Variants in H4C5 observed in about 807,000 individuals in gnomAD.
H4C5 encodes H4 clustered histone 5, also known as histone H4.
In H4C5, 15 loss-of-function variants were observed where a neutral mutation model predicts 5.3. That is an observed-to-expected ratio of 2.84 (90% CI 1.90 to 4.37). The LOEUF (loss-of-function observed/expected upper bound fraction) is 4.37, where lower values mean the gene tolerates loss of function less well. Ranked by LOEUF, H4C5 falls within the 30% of genes most tolerant of loss-of-function variation. H4C5 has a pLI of 0.00. For missense variants in H4C5, 153 were observed against 145.7 expected (o/e 1.05, Z -0.26); for synonymous variants, 154 against 56.9 (o/e 2.71, Z -7.68).
In H4C5 at chr6:26,204,842, G is replaced by A; in HGVS notation, c.198G>A (p.Val66=). Reference sequence around the variant, plus strand: ...TTCTGAAGGTGTTTCTGGAAAACGTGATTCGTGATGCTGTGACTTACACGG... The same window carrying A: ...TTCTGAAGGTGTTTCTGGAAAACGTAATTCGTGATGCTGTGACTTACACGG... ...RGVLKVFLEN[V]IRDAVTYTEH... is the part of the protein sequence containing the mutation. Residue 66 remains valine (V), a synonymous_variant, in exon 1 of 1, where the codon GTG becomes GTA. Transcript: ENST00000615164. 1.2e-6 allele frequency: 2 copies of A among 1,614,202 alleles called. No homozygotes were observed. Among genetic ancestry groups the A allele is most frequent in the South Asian group, 2.2e-5 (2 of 91,084 alleles).
Position 26,204,653 on chromosome 6 carries a change from T to C in H4C5, c.9T>C (p.Gly3=), listed in dbSNP as rs1581455336. Residue 3 remains glycine (G), a synonymous_variant, in exon 1 of 1, where the codon GGT becomes GGC. Transcript: ENST00000615164. MS[G]RGKGGKGLGK... is the part of the protein sequence containing the mutation. ...TCGTTGGTGTGTTGGTCATGTCTGGTCGCGGCAAAGGCGGAAAGGGACTGG... is the reference window on the plus strand; with the variant it reads ...TCGTTGGTGTGTTGGTCATGTCTGGCCGCGGCAAAGGCGGAAAGGGACTGG... 2 of 1,597,588 alleles carry C rather than the reference T, an allele frequency of 1.3e-6. No individual in the cohort carries two copies. The highest frequency in any genetic ancestry group is 1.3e-5 in the African/African-American group (1 of 74,530).
chr6:26,204,821 G>A lies in H4C5; in HGVS notation c.177G>A (p.Leu59=), dbSNP rs1426161938. The change falls in exon 1 of 1, where the codon CTG becomes CTA. Residue 59 remains leucine (L), a synonymous_variant. Coordinates refer to ENST00000615164, the MANE Select transcript of H4C5 (RefSeq NM_003545.4). ...GLIYEETRGV[L]KVFLENVIRD... ...TCTACGAGGAGACTCGCGGGGTTCTGAAGGTGTTTCTGGAAAACGTGATTC... is the reference window on the plus strand; with the variant it reads ...TCTACGAGGAGACTCGCGGGGTTCTAAAGGTGTTTCTGGAAAACGTGATTC... 6.2e-7 allele frequency: 1 copy of A among 1,614,182 alleles called. No homozygotes were observed.
rs752798544 is a variant in H4C5, at chr6:26,204,843, A to AT, written c.201dup (p.Arg68SerfsTer2). On this transcript the variant is annotated frameshift_variant, in exon 1 of 1. Transcript: ENST00000615164. LOFTEE classifies it high-confidence loss of function. ...TCTGAAGGTGTTTCTGGAAAACGTGATTCGTGATGCTGTGACTTACACGGA... is the reference window on the plus strand; with the variant it reads ...TCTGAAGGTGTTTCTGGAAAACGTGATTTCGTGATGCTGTGACTTACACGGA... 9 of 1,614,186 alleles carry AT rather than the reference A, an allele frequency of 5.6e-6. No individual in the cohort carries two copies. The Admixed American group carries it at 1.0e-4, about 18-fold the overall frequency.
rs41266809 is a variant in H4C5, at chr6:26,204,981, T to A, written c.*25T>A. 22,313 of 1,581,858 alleles carry A rather than the reference T, an allele frequency of 0.014. 227 individuals are homozygous for A. The highest frequency in any genetic ancestry group is 0.017 in the Non-Finnish European group (19,252 of 1,157,922). On this transcript the variant is annotated 3_prime_UTR_variant, in exon 1 of 1. Coordinates refer to ENST00000615164, the MANE Select transcript of H4C5 (RefSeq NM_003545.4). ...ATGCTACCGCTTAAACGACTCAGCA[T>A]CTCGACTTCCCAAATCAAAGGCCCT... is the stretch of plus-strand genomic sequence containing the variant.
At position 26,204,767 on chromosome 6, in the gene H4C5, C is replaced by T. The variant is rs777420822; in HGVS notation, c.123C>T (p.Arg41=). ...TKPAIRRLAR[R]GGVKRISGLI... ...CTGCCATCCGGCGCCTTGCTCGTCG[C>T]GGGGGTGTCAAGCGCATTTCTGGTC... is the stretch of plus-strand genomic sequence containing the variant. Residue 41 remains arginine (R), a synonymous_variant, in exon 1 of 1, where the codon CGC becomes CGT. Transcript: ENST00000615164. 17 of 1,614,122 alleles carry T rather than the reference C, an allele frequency of 1.1e-5. No individual in the cohort carries two copies. Among genetic ancestry groups the T allele is most frequent in the East Asian group, 2.2e-5 (1 of 44,882 alleles).
At position 26,204,928 on chromosome 6, in the gene H4C5, G is replaced by A; in HGVS notation, c.284G>A (p.Gly95Glu). 6.2e-7 allele frequency: 1 copy of A among 1,609,348 alleles called. No homozygotes were observed. The highest frequency in any genetic ancestry group is 8.5e-7 in the Non-Finnish European group (1 of 1,175,850). ...MDVVYALKRQ[G>E]RTLYGFGG The stretch of plus-strand genomic sequence containing the variant: ...GTGGTCTACGCGCTGAAGAGACAGG[G>A]ACGCACTCTTTACGGCTTCGGCGGC... The change falls in exon 1 of 1, where the codon GGA (glycine) becomes GAA (glutamate). Residue 95 changes from glycine to glutamate, a missense_variant. Gly to Glu is a moderately conservative substitution (Grantham distance 98). Transcript: ENST00000615164.
Position 26,205,013 on chromosome 6 carries a change from G to T in H4C5, c.*57G>T. The T allele has an allele frequency of 1.3e-6, 2 of 1,529,822 alleles. No individual in the cohort carries two copies. The highest frequency in any genetic ancestry group is 1.2e-5 in the South Asian group (1 of 80,740). 94.8% of individuals were successfully genotyped at this position (1,529,822 alleles called of 1,614,324 possible). ...TTCCCAAATCAAAGGCCCTTTTCAG[G>T]GCCGCCCACAGTTTTCCGCAAAAGA... On this transcript the variant is annotated 3_prime_UTR_variant, in exon 1 of 1. Coordinates refer to ENST00000615164, the MANE Select transcript of H4C5 (RefSeq NM_003545.4).
Position 26,204,672 on chromosome 6 carries a change from G to T in H4C5, c.28G>T (p.Gly10Ter). The T allele has an allele frequency of 6.2e-7, 1 of 1,608,250 alleles. No homozygotes were observed. The highest frequency in any genetic ancestry group is 8.5e-7 in the Non-Finnish European group (1 of 1,175,162). Residue 10 changes from glycine (G) to a stop codon, truncating the protein, a stop_gained, in exon 1 of 1, where the codon GGA becomes TGA. Coordinates refer to ENST00000615164, the MANE Select transcript of H4C5 (RefSeq NM_003545.4). LOFTEE classifies it high-confidence loss of function. ...GTCTGGTCGCGGCAAAGGCGGAAAGGGACTGGGTAAAGGAGGCGCTAAGCG... is the reference window on the plus strand; with the variant it reads ...GTCTGGTCGCGGCAAAGGCGGAAAGTGACTGGGTAAAGGAGGCGCTAAGCG... MSGRGKGGK[G>*]LGKGGAKRHR...
In H4C5 at chr6:26,204,901, A is replaced by G. The variant is rs1765198791; in HGVS notation, c.257A>G (p.Asp86Gly). ...AAACGCAAGACAGTGACAGCGATGGATGTGGTCTACGCGCTGAAGAGACAG... is the reference window on the plus strand; with the variant it reads ...AAACGCAAGACAGTGACAGCGATGGGTGTGGTCTACGCGCTGAAGAGACAG... Reference protein sequence around the residue: ...HAKRKTVTAMDVVYALKRQGR... With the variant: ...HAKRKTVTAMGVVYALKRQGR... Residue 86 changes from aspartate to glycine, a missense_variant, in exon 1 of 1, where the codon GAT becomes GGT. Asp to Gly is a moderately conservative substitution (Grantham distance 94). Transcript: ENST00000615164. 1.2e-6 allele frequency: 2 copies of G among 1,613,704 alleles called. No individual in the cohort carries two copies. Among genetic ancestry groups the G allele is most frequent in the Non-Finnish European group, 1.7e-6 (2 of 1,179,818 alleles).
At position 26,204,677 on chromosome 6, in the gene H4C5, G is replaced by A. The variant is rs778674883; in HGVS notation, c.33G>A (p.Leu11=). 3.7e-6 allele frequency: 6 copies of A among 1,612,390 alleles called. No individual in the cohort carries two copies. The highest frequency in any genetic ancestry group is 1.3e-5 in the African/African-American group (1 of 74,876). MSGRGKGGKG[L]GKGGAKRHRK... ...GTCGCGGCAAAGGCGGAAAGGGACTGGGTAAAGGAGGCGCTAAGCGTCACC... is the reference window on the plus strand; with the variant it reads ...GTCGCGGCAAAGGCGGAAAGGGACTAGGTAAAGGAGGCGCTAAGCGTCACC... Residue 11 remains leucine (L), a synonymous_variant, in exon 1 of 1, where the codon CTG becomes CTA. Coordinates refer to ENST00000615164, the MANE Select transcript of H4C5 (RefSeq NM_003545.4).
rs758513964 is a variant in H4C5 at position 26,204,965 on chromosome 6, C to A, written c.*9C>A. 2.5e-6 allele frequency: 4 copies of A among 1,592,712 alleles called. No individual in the cohort carries two copies. In the East Asian group the frequency reaches 6.8e-5, roughly 27 times the overall value. On this transcript the variant is annotated 3_prime_UTR_variant, in exon 1 of 1. Coordinates refer to ENST00000615164, the MANE Select transcript of H4C5 (RefSeq NM_003545.4). ...ACGGCTTCGGCGGCTAATGCTACCG[C>A]TTAAACGACTCAGCATCTCGACTTC...
In H4C5 at chr6:26,204,986, A is replaced by G. The variant is rs181186674; in HGVS notation, c.*30A>G. The G allele has an allele frequency of 1.8e-5, 29 of 1,577,436 alleles. No homozygotes were observed. Among genetic ancestry groups the G allele is most frequent in the Non-Finnish European group, 2.4e-5 (28 of 1,155,708 alleles). On this transcript the variant is annotated 3_prime_UTR_variant, in exon 1 of 1. Transcript: ENST00000615164. ...ACCGCTTAAACGACTCAGCATCTCGACTTCCCAAATCAAAGGCCCTTTTCA... is the reference window on the plus strand; with the variant it reads ...ACCGCTTAAACGACTCAGCATCTCGGCTTCCCAAATCAAAGGCCCTTTTCA...
Position 26,204,893 on chromosome 6 carries a change from A to G in H4C5, c.249A>G (p.Thr83=), listed in dbSNP as rs1347378222. ...YTEHAKRKTV[T]AMDVVYALKR... ...AGCACGCCAAACGCAAGACAGTGAC[A>G]GCGATGGATGTGGTCTACGCGCTGA... The change falls in exon 1 of 1, where the codon ACA becomes ACG. Residue 83 remains threonine (T), a synonymous_variant. Coordinates refer to ENST00000615164, the MANE Select transcript of H4C5 (RefSeq NM_003545.4). 1 of 1,614,156 alleles carries G rather than the reference A, an allele frequency of 6.2e-7. No homozygotes were observed. The highest frequency in any genetic ancestry group is 8.5e-7 in the Non-Finnish European group (1 of 1,179,968).
Position 26,204,808 on chromosome 6 carries a change from C to T in H4C5, c.164C>T (p.Thr55Ile), listed in dbSNP as rs917142035. 2 of 1,614,166 alleles carry T rather than the reference C, an allele frequency of 1.2e-6. No homozygotes were observed. Among genetic ancestry groups the T allele is most frequent in the Non-Finnish European group, 8.5e-7 (1 of 1,180,020 alleles). ...ATTTCTGGTCTCATCTACGAGGAGA[C>T]TCGCGGGGTTCTGAAGGTGTTTCTG... ...KRISGLIYEE[T>I]RGVLKVFLEN... is the part of the protein sequence containing the mutation. The change falls in exon 1 of 1, where the codon ACT becomes ATT. Residue 55 changes from threonine (T) to isoleucine (I), a missense_variant. Coordinates refer to ENST00000615164, the MANE Select transcript of H4C5 (RefSeq NM_003545.4).
At position 26,204,784 on chromosome 6, in the gene H4C5, T is replaced by C; in HGVS notation, c.140T>C (p.Ile47Thr). ...RLARRGGVKR[I>T]SGLIYEETRG... is the part of the protein sequence containing the mutation. ...GCTCGTCGCGGGGGTGTCAAGCGCA[T>C]TTCTGGTCTCATCTACGAGGAGACT... is the stretch of plus-strand genomic sequence containing the variant. Residue 47 changes from isoleucine (I) to threonine (T), a missense_variant, in exon 1 of 1, where the codon ATT becomes ACT. By Grantham distance (89) the Ile-to-Thr change is moderately conservative. Coordinates refer to ENST00000615164, the MANE Select transcript of H4C5 (RefSeq NM_003545.4). The C allele has an allele frequency of 6.2e-7, 1 of 1,614,114 alleles. No individual in the cohort carries two copies. The highest frequency in any genetic ancestry group is 8.5e-7 in the Non-Finnish European group (1 of 1,180,004).
rs1447929737 is a variant in H4C5 at position 26,204,776 on chromosome 6, C to CT, written c.132_133insT (p.Lys45Ter). 1.2e-6 allele frequency: 2 copies of CT among 1,614,144 alleles called. No homozygotes were observed. Among genetic ancestry groups the CT allele is most frequent in the Non-Finnish European group, 1.7e-6 (2 of 1,180,016 alleles). ...GGCGCCTTGCTCGTCGCGGGGGTGT[C>CT]AAGCGCATTTCTGGTCTCATCTACG... On this transcript the variant is annotated frameshift_variant, in exon 1 of 1. Transcript: ENST00000615164. LOFTEE classifies it high-confidence loss of function.
rs566123958 is a variant in H4C5 at position 26,205,017 on chromosome 6, G to T, written c.*61G>T. ...CAAATCAAAGGCCCTTTTCAGGGCC[G>T]CCCACAGTTTTCCGCAAAAGAGCTC... On this transcript the variant is annotated 3_prime_UTR_variant, in exon 1 of 1. Coordinates refer to ENST00000615164, the MANE Select transcript of H4C5 (RefSeq NM_003545.4). 4.6e-6 allele frequency: 7 copies of T among 1,506,266 alleles called. No individual in the cohort carries two copies. The highest frequency in any genetic ancestry group is 2.1e-5 in the Admixed American group (1 of 47,068). The allele number at this position is 1,506,266 out of a possible 1,614,324, so 93.3% of individuals were successfully genotyped here.
At position 26,205,016 on chromosome 6, in the gene H4C5, C is replaced by G; in HGVS notation, c.*60C>G. 2.6e-6 allele frequency: 4 copies of G among 1,514,318 alleles called. No individual in the cohort carries two copies. Among genetic ancestry groups the G allele is most frequent in the Non-Finnish European group, 3.6e-6 (4 of 1,122,702 alleles). The allele number at this position is 1,514,318 out of a possible 1,614,324, so 93.8% of individuals were successfully genotyped here. On this transcript the variant is annotated 3_prime_UTR_variant, in exon 1 of 1. Coordinates refer to ENST00000615164, the MANE Select transcript of H4C5 (RefSeq NM_003545.4). ...CCAAATCAAAGGCCCTTTTCAGGGCCGCCCACAGTTTTCCGCAAAAGAGCT... is the reference window on the plus strand; with the variant it reads ...CCAAATCAAAGGCCCTTTTCAGGGCGGCCCACAGTTTTCCGCAAAAGAGCT...
In H4C5 at chr6:26,204,791, T is replaced by A. The variant is rs1451539033; in HGVS notation, c.147T>A (p.Gly49=). The stretch of plus-strand genomic sequence containing the variant: ...GCGGGGGTGTCAAGCGCATTTCTGG[T>A]CTCATCTACGAGGAGACTCGCGGGG... The part of the protein sequence containing the change: ...ARRGGVKRIS[G]LIYEETRGVL... Residue 49 remains glycine, a synonymous_variant, in exon 1 of 1, where the codon GGT becomes GGA. Coordinates refer to ENST00000615164, the MANE Select transcript of H4C5 (RefSeq NM_003545.4). 1.2e-6 allele frequency: 2 copies of A among 1,614,088 alleles called. No individual in the cohort carries two copies. Among genetic ancestry groups the A allele is most frequent in the South Asian group, 1.1e-5 (1 of 91,078 alleles).
Sources: gnomAD v4.1 joint callset for allele counts on GRCh38, gnomAD v4.1.1 for gene constraint, MANE v1.5 for transcripts, NCBI Gene and HGNC (gene_info 2026-07-23, HGNC 2026-07-21) for gene names.